The following TPD52L1 variants were observed in gnomAD, a reference collection of about 807,000 sequenced individuals.
TPD52L1 encodes tumor protein D53.
A neutral mutation model predicts 28.7 loss-of-function variants in TPD52L1; 18 were observed. The ratio of observed to expected loss-of-function variants is 0.63; its 90% CI spans 0.43 to 0.93. The LOEUF is 0.93. Among genes scored for constraint, TPD52L1 ranks in the 40% least tolerant of loss-of-function variants. TPD52L1 has a pLI of 0.00. For missense variants in TPD52L1, 203 were observed against 254.8 expected (o/e 0.80, Z 1.39); for synonymous variants, 75 against 88.8 (o/e 0.84, Z 0.88).
At chr6:125,197,688 T>G (rs1793531460) in intron 1 of TPD52L1, among the ~76,000 whole-genome samples, 1 of 152,166 alleles carries the variant, frequency 6.6e-6, no homozygotes. Context: ...TACAAACATG[T>G]TATTTATAAA....
intron 1 of TPD52L1, among the ~76,000 whole-genome samples, chr6:125,169,508 G>C (rs1350687150): frequency 6.6e-6 from 1 of 152,122 alleles, no homozygotes; most frequent in African/African-American, 2.4e-5. Context: ...TTCAGTTAAT[G>C]ACAACTCCAT....
chr6:125,224,593 T>C (rs73771284), intron 2 of TPD52L1, among the ~76,000 whole-genome samples: 1 of 152,054 alleles, frequency 6.6e-6, no homozygotes, highest in African/African-American at 2.4e-5. Flanking sequence ...CACCTCTTAG[T>C]CAGTATCTGC....
At chr6:125,249,043 T>C (rs985989065) in intron 4 of TPD52L1, among the ~76,000 whole-genome samples, 1 of 151,864 alleles carries the variant, frequency 6.6e-6, no homozygotes, top group Non-Finnish European at 1.5e-5. Context: ...TCAAGGTTGA[T>C]TTTGACTTGA....
chr6:125,261,014 GAAAGAAAAGAAAAGA>G (rs1562411822), intron 6 of TPD52L1: 3 of 43,046 alleles, frequency 7.0e-5, no homozygotes, highest in African/African-American at 4.8e-4. Context: ...AAGAAAGAAA[GAAAGAAAAGAAAAGA>G]AAGAAAGAAA....
Position 125,261,024 on chromosome 6 carries a change from A to AAAG in TPD52L1, c.487-1808_487-1807insGAA, listed in dbSNP as rs71024719. 4.5e-3 allele frequency: 138 copies of AAAG among 30,600 alleles called. 10 individuals carry two copies. The highest frequency in any genetic ancestry group is 0.031 in the African/African-American group (135 of 4,406). 1.9% of individuals were successfully genotyped at this position (30,600 alleles called of 1,614,324 possible). ...AAAGAAAGAAAGAAAGAAAGAAAAG[A>AAAG]AAAGAAAGAAAGAAAGAAAGAAAGA... On this transcript the variant is annotated intron_variant, in intron 6 of 6. Transcript: ENST00000534000.
At chr6:125,230,581 C>T (rs553454019) in intron 3 of TPD52L1, among the ~76,000 whole-genome samples, 1 of 152,266 alleles carries the variant, frequency 6.6e-6, no homozygotes, top group East Asian at 1.9e-4. Context: ...GTTTTGCCAG[C>T]AGCCAAATTT....
At chr6:125,159,622 C>A (rs546970487) in intron 1 of TPD52L1, among the ~76,000 whole-genome samples, 10 of 152,026 alleles carry the variant, frequency 6.6e-5, no homozygotes, top group Non-Finnish European at 1.5e-4. Context: ...GAATCCTTTC[C>A]AGAATGTTTT....
At chr6:125,248,529 T>G in intron 4 of TPD52L1, 146 bp downstream of exon 4, 1 of 624,652 alleles carries the variant, frequency 1.6e-6, no homozygotes, top group South Asian at 2.1e-5. Flanking sequence ...GATTGATGAC[T>G]AAGATAAATT....
At chr6:125,172,046 TCCCA>T (rs927072952) in intron 1 of TPD52L1, among the ~76,000 whole-genome samples, 25 of 139,170 alleles carry the variant, frequency 1.8e-4, no homozygotes, top group South Asian at 2.7e-4. Context: ...CCTCCCTCCC[TCCCA>T]CCTTCTTTCT....
At chr6:125,209,606 G>A (rs928238557) in intron 1 of TPD52L1, among the ~76,000 whole-genome samples, 1 of 152,198 alleles carries the variant, frequency 6.6e-6, no homozygotes, top group African/African-American at 2.4e-5. Context: ...ACAACTGGTA[G>A]CTACAGTTCC....
chr6:125,235,512 C>A (rs1796211158), intron 3 of TPD52L1, among the ~76,000 whole-genome samples: 1 of 152,152 alleles, frequency 6.6e-6, no homozygotes, highest in Non-Finnish European at 1.5e-5. Context: ...CCACATGTGA[C>A]CCATAGGCCG....
intron 1 of TPD52L1, among the ~76,000 whole-genome samples, chr6:125,203,203 G>T (rs1346017179): frequency 6.6e-6 from 1 of 152,108 alleles, no homozygotes; most frequent in Non-Finnish European, 1.5e-5. Flanking sequence ...TCCCATTTCT[G>T]CAATAGTTTT....
chr6:125,169,433 T>TCTAA (rs111449889), intron 1 of TPD52L1, among the ~76,000 whole-genome samples: 7,609 of 152,226 alleles, frequency 0.05, 423 homozygotes, highest in East Asian at 0.33. Flanking sequence ...ACTCAACATG[T>TCTAA]CTAACACTGA....
rs754452123 is a variant in TPD52L1 at position 125,262,819 on chromosome 6, A to T, written c.487-15A>T. The stretch of plus-strand genomic sequence containing the variant: ...GTAACAACTAACTGCATTTTTGTGG[A>T]TCTGCTCATTTCAGACGAAAGTAGG... On this transcript the variant is annotated splice_polypyrimidine_tract_variant and intron_variant, in intron 6 of 6. Coordinates refer to ENST00000534000, the MANE Select transcript of TPD52L1 (RefSeq NM_003287.4). 6.3e-7 allele frequency: 1 copy of T among 1,599,420 alleles called. No homozygotes were observed. The highest frequency in any genetic ancestry group is 1.8e-5 in the Admixed American group (1 of 55,792).
chr6:125,172,624 T>C (rs1217628689), intron 1 of TPD52L1, among the ~76,000 whole-genome samples: 1 of 135,004 alleles, frequency 7.4e-6, no homozygotes, highest in Non-Finnish European at 1.5e-5. Context: ...TAATTATATA[T>C]ATATAACTAT....
intron 1 of TPD52L1, among the ~76,000 whole-genome samples, chr6:125,204,678 A>G (rs1323502165): frequency 1.3e-5 from 2 of 152,000 alleles, no homozygotes; most frequent in Non-Finnish European, 2.9e-5. Context: ...ACGGGGTTTC[A>G]CCGTGTTAGC....
At chr6:125,190,045 GA>G (rs943501648) in intron 1 of TPD52L1, among the ~76,000 whole-genome samples, 12 of 151,966 alleles carry the variant, frequency 7.9e-5, no homozygotes, top group African/African-American at 2.9e-4. Flanking sequence ...GGTTAGGACA[GA>G]AGGAAGTATA....
intron 4 of TPD52L1, among the ~76,000 whole-genome samples, chr6:125,250,419 G>A (rs1006662503): frequency 6.6e-6 from 1 of 152,118 alleles, no homozygotes; most frequent in Non-Finnish European, 1.5e-5. Context: ...CTGTATCTGG[G>A]GTTTTCACTA....
At chr6:125,228,088 C>T (rs1377464420) in intron 2 of TPD52L1, among the ~76,000 whole-genome samples, 1 of 152,178 alleles carries the variant, frequency 6.6e-6, no homozygotes, top group Non-Finnish European at 1.5e-5. Context: ...AAATAACTAT[C>T]TGCAAAGCCA....
Sources: gnomAD v4.1 joint callset for allele counts (sites outside exome capture counted in the v4.1 genomes callset) on GRCh38, gnomAD v4.1.1 for gene constraint, MANE v1.5 for transcripts, NCBI Gene and HGNC (gene_info 2026-07-23, HGNC 2026-07-21) for gene names.